Variants in GRAP2 observed in about 807,000 individuals in gnomAD.
The protein encoded by GRAP2 is GRB2 related adaptor protein 2.
A neutral mutation model predicts 43.5 loss-of-function variants in GRAP2; 31 were observed. The ratio of observed to expected loss-of-function variants is 0.71; its 90% CI spans 0.54 to 0.96. GRAP2 has a LOEUF of 0.96. Among genes scored for constraint, GRAP2 ranks in the 40% least tolerant of loss-of-function variants. The pLI, the probability that GRAP2 is intolerant of heterozygous loss-of-function variation, is 0.00. For synonymous variants in GRAP2, 156 were observed against 164.8 expected (o/e 0.95, Z 0.41); for missense variants, 371 against 424.4 (o/e 0.87, Z 1.11).
chr22:39,913,514 C>A (rs191933249), intron 1 of GRAP2, among the ~76,000 whole-genome samples: 169 of 152,216 alleles, frequency 1.1e-3, no homozygotes, highest in African/African-American at 3.8e-3. Flanking sequence ...GCTGAGTCAG[C>A]CAAGTGTTCA....
rs904451886 is a variant in GRAP2 at position 39,970,980 on chromosome 22, G to A, written c.889G>A (p.Val297Met). The change falls in exon 8 of 8, where the codon GTG becomes ATG. Residue 297 changes from valine (V) to methionine (M), a missense_variant. Coordinates refer to ENST00000344138, the MANE Select transcript of GRAP2 (RefSeq NM_004810.4). ...CGAGCTGGGGTTCCACAGCGGGGAGGTGGTGGAGGTCCTGGATAGCTCCAA... is the reference window on the plus strand; with the variant it reads ...CGAGCTGGGGTTCCACAGCGGGGAGATGGTGGAGGTCCTGGATAGCTCCAA... ...DDELGFHSGE[V>M]VEVLDSSNPS... is the part of the protein sequence containing the mutation. The A allele has an allele frequency of 1.9e-6, 3 of 1,613,656 alleles. No individual in the cohort carries two copies. Among genetic ancestry groups the A allele is most frequent in the African/African-American group, 2.7e-5 (2 of 74,908 alleles).
chr22:39,907,022 T>C (rs540073422), intron 1 of GRAP2, among the ~76,000 whole-genome samples: 1 of 152,336 alleles, frequency 6.6e-6, no homozygotes, highest in African/African-American at 2.4e-5. Flanking sequence ...GTCTGATAGC[T>C]GAAAAGGCTC....
intron 6 of GRAP2, 116 bp downstream of exon 6, chr22:39,968,388 C>T: frequency 2.4e-6 from 3 of 1,232,322 alleles, no homozygotes; most frequent in Admixed American, 2.3e-5. Flanking sequence ...CCCTGGACCC[C>T]CCCAAATGGC....
chr22:39,908,386 A>G (rs2066537083), intron 1 of GRAP2, among the ~76,000 whole-genome samples: 2 of 152,130 alleles, frequency 1.3e-5, no homozygotes, highest in South Asian at 4.1e-4. Context: ...GTCCACATCA[A>G]TTATACTCCA....
chr22:39,942,845 C>T (rs1320165824), intron 1 of GRAP2, among the ~76,000 whole-genome samples: 1 of 152,130 alleles, frequency 6.6e-6, no homozygotes, highest in African/African-American at 2.4e-5. Flanking sequence ...AAATATGTGA[C>T]AAGCAATTCT....
At chr22:39,948,922 T>C (rs1912116687) in intron 2 of GRAP2, among the ~76,000 whole-genome samples, 1 of 152,180 alleles carries the variant, frequency 6.6e-6, no homozygotes, top group African/African-American at 2.4e-5. Context: ...TACACTTCCC[T>C]GAAGGTGCTG....
chr22:39,970,785 G>C, intron 7 of GRAP2, 120 bp from the exon 8 acceptor site: 2 of 901,924 alleles, frequency 2.2e-6, no homozygotes, highest in Non-Finnish European at 3.3e-6. Context: ...GCTGCAGAGG[G>C]GTCAGCCTTC....
chr22:39,961,730 C>G (rs1295696804), intron 4 of GRAP2, among the ~76,000 whole-genome samples: 1 of 152,192 alleles, frequency 6.6e-6, no homozygotes, highest in African/African-American at 2.4e-5. Flanking sequence ...GTTAGCAGAT[C>G]AGGAGAAGTA....
chr22:39,937,323 A>G (rs989629620), intron 1 of GRAP2, among the ~76,000 whole-genome samples: 1 of 152,152 alleles, frequency 6.6e-6, no homozygotes, highest in East Asian at 1.9e-4. Context: ...AAGCCTGGTC[A>G]GTTTTCTGTT....
chr22:39,946,386 A>G (rs2066922864), intron 1 of GRAP2, among the ~76,000 whole-genome samples: 3 of 152,340 alleles, frequency 2.0e-5, no homozygotes, highest in African/African-American at 7.2e-5. Context: ...AGGCCGACTC[A>G]TTTATCTTTA....
At chr22:39,898,654 A>C (rs2066474694), upstream of GRAP2, among the ~76,000 whole-genome samples, 1 of 152,132 alleles carries the variant, frequency 6.6e-6, no homozygotes, top group Non-Finnish European at 1.5e-5. Flanking sequence ...CTGTCCTAAA[A>C]ATATACAAAT....
upstream of GRAP2, among the ~76,000 whole-genome samples, chr22:39,897,361 T>C (rs2066469742): frequency 6.6e-6 from 1 of 152,178 alleles, no homozygotes; most frequent in South Asian, 2.1e-4. Context: ...AAATGATTTA[T>C]TGATGCTACA....
At chr22:39,965,907 T>C (rs2145677278) in intron 4 of GRAP2, 83 bp from the exon 5 acceptor site, 2 of 1,138,444 alleles carry the variant, frequency 1.8e-6, no homozygotes, top group Non-Finnish European at 1.3e-6. Context: ...CAAAGAGAAC[T>C]CCACCATCCC....
At chr22:39,942,140 A>T (rs1488803887) in intron 1 of GRAP2, among the ~76,000 whole-genome samples, 1 of 152,188 alleles carries the variant, frequency 6.6e-6, no homozygotes, top group Non-Finnish European at 1.5e-5. Flanking sequence ...CCATTTACAA[A>T]TACTCTATTC....
chr22:39,931,551 G>C (rs1255326863), intron 1 of GRAP2, among the ~76,000 whole-genome samples: 2 of 152,208 alleles, frequency 1.3e-5, no homozygotes, highest in African/African-American at 2.4e-5. Context: ...ACAAGTAAAT[G>C]TCAACCTGAT....
intron 1 of GRAP2, among the ~76,000 whole-genome samples, chr22:39,940,586 A>G (rs980799214): frequency 6.6e-6 from 1 of 152,056 alleles, no homozygotes; most frequent in African/African-American, 2.4e-5. Context: ...TAATAAACTA[A>G]GGCAGAAAGG....
At position 39,973,187 on chromosome 22, in the gene GRAP2, G is replaced by A. The variant is rs2067262778; in HGVS notation, c.*2103G>A. ...ATTTTACAGTATTTACAAACCATATGCTTTAAACAGCCCACAAACTCCATC... is the reference window on the plus strand; with the variant it reads ...ATTTTACAGTATTTACAAACCATATACTTTAAACAGCCCACAAACTCCATC... On this transcript the variant is annotated 3_prime_UTR_variant, in exon 8 of 8. Transcript: ENST00000344138. The A allele has an allele frequency of 6.6e-6, 1 of 152,240 alleles. No individual in the cohort carries two copies. Among genetic ancestry groups the A allele is most frequent in the Non-Finnish European group, 1.5e-5 (1 of 68,044 alleles). 9.4% of individuals were successfully genotyped at this position (152,240 alleles called of 1,614,324 possible). A position where few individuals can be genotyped will look rare whatever the true frequency, so the allele number is the denominator to read the frequency against.
chr22:39,943,695 C>G (rs919541601), intron 1 of GRAP2, among the ~76,000 whole-genome samples: 1 of 150,440 alleles, frequency 6.6e-6, no homozygotes. Context: ...GTGAGGTTCT[C>G]TAAAAAGGGG....
intron 3 of GRAP2, among the ~76,000 whole-genome samples, chr22:39,959,007 G>A (rs574366661): frequency 6.6e-6 from 1 of 152,334 alleles, no homozygotes; most frequent in South Asian, 2.1e-4. Context: ...ACAGAGAATT[G>A]CTCACAAAGG....
Sources: allele counts gnomAD v4.1 joint callset (sites outside exome capture counted in the v4.1 genomes callset), GRCh38; gene constraint gnomAD v4.1.1; transcripts MANE v1.5; gene names NCBI Gene and HGNC (gene_info 2026-07-23, HGNC 2026-07-21).